The following NCCRP1 variants were observed in gnomAD, a reference collection of about 807,000 sequenced individuals.
The protein encoded by NCCRP1 is NCCRP1, F-box associated domain containing, also known as F-box only protein 50.
A neutral mutation model predicts 34.4 loss-of-function variants in NCCRP1; 32 were observed. That is an observed-to-expected ratio of 0.93 (90% confidence interval 0.70 to 1.25). The LOEUF (loss-of-function observed/expected upper bound fraction) is 1.25, where lower values mean the gene tolerates loss of function less well. NCCRP1 is among the 50% of genes most tolerant of loss of function. The probability of loss-of-function intolerance (pLI) is 0.00; values close to 1 mark genes in which losing one functional copy is unlikely to be tolerated. For synonymous variants in NCCRP1, 172 were observed against 180.1 expected (o/e 0.95, Z 0.36); for missense variants, 372 against 391.8 (o/e 0.95, Z 0.43).
chr19:39,198,834 A>G (rs2074774313), intron 3 of NCCRP1, among the ~76,000 whole-genome samples: 1 of 152,128 alleles, frequency 6.6e-6, no homozygotes, highest in Admixed American at 6.6e-5. Context: ...CCTGTCCTCC[A>G]TGAAACAGAG....
In NCCRP1 at chr19:39,200,005, C is replaced by T. The variant is rs887450344; in HGVS notation, c.549-341C>T. 7.9e-5 allele frequency among the ~76,000 whole-genome samples: 12 copies of T among 151,950 alleles called. No individual in the cohort carries two copies. Among genetic ancestry groups the T allele is most frequent in the African/African-American group, 2.4e-4 (10 of 41,366 alleles). On this transcript the variant is annotated intron_variant, in intron 4 of 5. Coordinates refer to ENST00000339852, the MANE Select transcript of NCCRP1 (RefSeq NM_001001414.2). The surrounding 1 kb of genome is among the most constrained non-coding windows in gnomAD (Gnocchi z 5.8). ...ACCCCTCTGCCTGGGTCCCCAATTCCGACCCCAACCCCTCTGCCTGTGTCC... is the reference window on the plus strand; with the variant it reads ...ACCCCTCTGCCTGGGTCCCCAATTCTGACCCCAACCCCTCTGCCTGTGTCC...
At chr19:39,197,727 C>A (rs996400587) in intron 1 of NCCRP1, among the ~76,000 whole-genome samples, 1 of 152,160 alleles carries the variant, frequency 6.6e-6, no homozygotes, top group African/African-American at 2.4e-5. Context: ...CAGGCATGCA[C>A]CACCATGCCT....
At chr19:39,199,395 T>C in intron 4 of NCCRP1, 130 bp downstream of exon 4, 1 of 722,178 alleles carries the variant, frequency 1.4e-6, no homozygotes, top group Non-Finnish European at 2.3e-6. Context: ...GGTCCTGCCC[T>C]GCCCACCTCC....
chr19:39,200,419 G>C lies in NCCRP1; in HGVS notation c.622G>C (p.Val208Leu), dbSNP rs1317539145. 1.2e-6 allele frequency: 2 copies of C among 1,613,444 alleles called. No individual in the cohort carries two copies. The highest frequency in any genetic ancestry group is 1.7e-6 in the Non-Finnish European group (2 of 1,180,022). The change falls in exon 5 of 6, where the codon GTC (valine) becomes CTC (leucine). Residue 208 changes from valine (V) to leucine (L), a missense_variant. Transcript: ENST00000339852. This position sits in a 1 kb window ranked among gnomAD's most constrained non-coding sequence, Gnocchi z 5.8. ...VWLLAADRRT[V>L]IAQHHVAPRT... The stretch of plus-strand genomic sequence containing the variant: ...GCTGCTGGCGGCCGACCGCCGCACG[G>C]TCATTGCTCAGCACCACGTGGCCCC...
At chr19:39,199,789 A>G (rs1568542421) in intron 4 of NCCRP1, among the ~76,000 whole-genome samples, 1 of 152,090 alleles carries the variant, frequency 6.6e-6, no homozygotes, top group Non-Finnish European at 1.5e-5. Context: ...CTGGGATTAC[A>G]GGTGTGAGCC....
In NCCRP1 at chr19:39,200,986, A is replaced by T; in HGVS notation, c.*230A>T. 1.9e-6 allele frequency: 1 copy of T among 540,010 alleles called. No individual in the cohort carries two copies. Among genetic ancestry groups the T allele is most frequent in the East Asian group, 3.1e-5 (1 of 32,150 alleles). The allele number at this position is 540,010 out of a possible 1,614,324, so 33.5% of individuals were successfully genotyped here. Reference sequence around the variant, plus strand: ...CAGTGCCCGACAGATGCTCTGGCACAGATGCTTTGTAGATCTCTGTTGAGA... The same window carrying T: ...CAGTGCCCGACAGATGCTCTGGCACTGATGCTTTGTAGATCTCTGTTGAGA... On this transcript the variant is annotated 3_prime_UTR_variant, in exon 6 of 6. Coordinates refer to ENST00000339852, the MANE Select transcript of NCCRP1 (RefSeq NM_001001414.2). This position sits in a 1 kb window ranked among gnomAD's most constrained non-coding sequence, Gnocchi z 5.8.
chr19:39,200,738 T>C lies in NCCRP1; in HGVS notation c.810T>C (p.Ser270=), dbSNP rs747852321. The C allele has an allele frequency of 6.2e-7, 1 of 1,612,460 alleles. No homozygotes were observed. The highest frequency in any genetic ancestry group is 1.7e-5 in the Admixed American group (1 of 60,008). Residue 270 remains serine, a synonymous_variant, in exon 6 of 6, where the codon TCT becomes TCC. Coordinates refer to ENST00000339852, the MANE Select transcript of NCCRP1 (RefSeq NM_001001414.2). The surrounding 1 kb of genome is among the most constrained non-coding windows in gnomAD (Gnocchi z 5.8). The stretch of plus-strand genomic sequence containing the variant: ...CACGGGTGACCGACTCCTCCGTGTC[T>C]GTGCAGCTCCGGGAGTGACTGGCTG... ...RRTRVTDSSV[S]VQLRE is the part of the protein sequence containing the mutation.
rs777315585 is a variant in NCCRP1 at position 39,197,093 on chromosome 19, G to A, written c.111G>A (p.Ser37=). ...CACGGTCGCCTTCACCGCCGCCGTC[G>A]CCGCCACCACTGCCCTCGCCGCCGT... ...PSPRSPSPPP[S]PPPLPSPPSL... The change falls in exon 1 of 6, where the codon TCG becomes TCA. Residue 37 remains serine (S), a synonymous_variant. Coordinates refer to ENST00000339852, the MANE Select transcript of NCCRP1 (RefSeq NM_001001414.2). 7 of 1,528,230 alleles carry A rather than the reference G, an allele frequency of 4.6e-6. No homozygotes were observed. Among genetic ancestry groups the A allele is most frequent in the Non-Finnish European group, 5.2e-6 (6 of 1,144,192 alleles). The allele number at this position is 1,528,230 out of a possible 1,614,324, so 94.7% of individuals were successfully genotyped here. A position where few individuals can be genotyped will look rare whatever the true frequency, so the allele number is the denominator to read the frequency against.
At position 39,198,195 on chromosome 19, in the gene NCCRP1, C is replaced by T; in HGVS notation, c.401-7C>T. 1 of 1,614,172 alleles carries T rather than the reference C, an allele frequency of 6.2e-7. No individual in the cohort carries two copies. Among genetic ancestry groups the T allele is most frequent in the Non-Finnish European group, 8.5e-7 (1 of 1,180,030 alleles). On this transcript the variant is annotated splice_polypyrimidine_tract_variant and splice_region_variant and intron_variant, in intron 2 of 5. Transcript: ENST00000339852. ...GGTGTCCTAACCCTTTGCTCCCCAACCTGCAGGCAATTTCCGTGGCTGGTA... is the reference window on the plus strand; with the variant it reads ...GGTGTCCTAACCCTTTGCTCCCCAATCTGCAGGCAATTTCCGTGGCTGGTA...
rs745388240 is a variant in NCCRP1 at position 39,199,236 on chromosome 19, C to T, written c.519C>T (p.Asp173=). 29 of 1,613,814 alleles carry T rather than the reference C, an allele frequency of 1.8e-5. No homozygotes were observed. The highest frequency in any genetic ancestry group is 2.2e-5 in the South Asian group (2 of 91,080). ...AEGLWEELLD[D]EQPAITVMDW... ...GCCTGTGGGAGGAGCTGCTGGATGA[C>T]GAACAACCAGCCATTACGGTCATGG... is the stretch of plus-strand genomic sequence containing the variant. Residue 173 remains aspartate (D), a synonymous_variant, in exon 4 of 6, where the codon GAC becomes GAT. Coordinates refer to ENST00000339852, the MANE Select transcript of NCCRP1 (RefSeq NM_001001414.2).
At chr19:39,198,339 T>C in intron 3 of NCCRP1, 86 bp downstream of exon 3, 1 of 1,373,380 alleles carries the variant, frequency 7.3e-7, no homozygotes, top group Non-Finnish European at 1.0e-6. Flanking sequence ...TGACTTGGCC[T>C]CTCTGGACCT....
Position 39,200,643 on chromosome 19 carries a change from C to A in NCCRP1, c.715C>A (p.Pro239Thr), listed in dbSNP as rs377645422. 19 of 1,614,042 alleles carry A rather than the reference C, an allele frequency of 1.2e-5. No homozygotes were observed. The highest frequency in any genetic ancestry group is 3.3e-4 in the Middle Eastern group (2 of 6,084). The change falls in exon 6 of 6, where the codon CCC becomes ACC. Residue 239 changes from proline (P) to threonine (T), a missense_variant. Coordinates refer to ENST00000339852, the MANE Select transcript of NCCRP1 (RefSeq NM_001001414.2). The surrounding 1 kb of genome is among the most constrained non-coding windows in gnomAD (Gnocchi z 5.8). ...QVSHVFRHYG[P>T]GVRFIHFLHK... is the part of the protein sequence containing the mutation. ...GTCCCACGTATTCCGCCATTATGGT[C>A]CCGGTGTGCGCTTTATCCACTTCCT... is the stretch of plus-strand genomic sequence containing the variant.
chr19:39,198,947 T>C (rs953559647), intron 3 of NCCRP1, among the ~76,000 whole-genome samples: 4 of 152,160 alleles, frequency 2.6e-5, no homozygotes, highest in Non-Finnish European at 4.4e-5. Flanking sequence ...TGCTTGACCT[T>C]GGACACGTCT....
rs367877232 is a variant in NCCRP1 at position 39,200,625 on chromosome 19, G to T, written c.697G>T (p.Val233Leu). The T allele has an allele frequency of 6.2e-7, 1 of 1,614,034 alleles. No individual in the cohort carries two copies. The highest frequency in any genetic ancestry group is 1.1e-5 in the South Asian group (1 of 91,076). ...PPGRWVQVSHVFRHYGPGVRF... is the reference protein window; with the variant it reads ...PPGRWVQVSHLFRHYGPGVRF... ...GGTGCTGTCACCACAGGTGTCCCACGTATTCCGCCATTATGGTCCCGGTGT... is the reference window on the plus strand; with the variant it reads ...GGTGCTGTCACCACAGGTGTCCCACTTATTCCGCCATTATGGTCCCGGTGT... The change falls in exon 6 of 6, where the codon GTA becomes TTA. Residue 233 changes from valine (V) to leucine (L), a missense_variant. By Grantham distance (32) the Val-to-Leu change is conservative. Coordinates refer to ENST00000339852, the MANE Select transcript of NCCRP1 (RefSeq NM_001001414.2). This position sits in a 1 kb window ranked among gnomAD's most constrained non-coding sequence, Gnocchi z 5.8.
At position 39,199,103 on chromosome 19, in the gene NCCRP1, C is replaced by T. The variant is rs373046988; in HGVS notation, c.453-67C>T. ...AGCTATCCCTAAGAAAGCACTAAGA[C>T]AGGGCTTCCTGCTCCCTGGATCCTG... On this transcript the variant is annotated intron_variant, in intron 3 of 5. Transcript: ENST00000339852. 1.4e-5 allele frequency: 21 copies of T among 1,480,942 alleles called. No homozygotes were observed. In the East Asian group the frequency reaches 1.8e-4, roughly 13 times the overall value. The allele number at this position is 1,480,942 out of a possible 1,614,324, so 91.7% of individuals were successfully genotyped here.
intron 1 of NCCRP1, 115 bp from the exon 2 acceptor site, chr19:39,197,938 C>T: frequency 7.9e-7 from 1 of 1,263,650 alleles, no homozygotes; most frequent in Non-Finnish European, 1.1e-6. Flanking sequence ...TGCCGGGCTT[C>T]CCTGACCTGG....
At chr19:39,197,350 A>T (rs1325103788) in intron 1 of NCCRP1, 31 bp downstream of exon 1, 1 of 1,391,276 alleles carries the variant, frequency 7.2e-7, no homozygotes, top group African/African-American at 1.5e-5. Flanking sequence ...GCCAGGAGGC[A>T]CCACCCTGAC....
chr19:39,200,807 G>T lies in NCCRP1; in HGVS notation c.*51G>T. The T allele has an allele frequency of 6.4e-7, 1 of 1,562,224 alleles. No homozygotes were observed. Among genetic ancestry groups the T allele is most frequent in the Non-Finnish European group, 8.6e-7 (1 of 1,160,772 alleles). On this transcript the variant is annotated 3_prime_UTR_variant, in exon 6 of 6. Coordinates refer to ENST00000339852, the MANE Select transcript of NCCRP1 (RefSeq NM_001001414.2). The surrounding 1 kb of genome is among the most constrained non-coding windows in gnomAD (Gnocchi z 5.8). ...CACAGCACCTCCCTGACCTTTAGGAGCCCCAACTCTTAGTCACCTCCTAGG... is the reference window on the plus strand; with the variant it reads ...CACAGCACCTCCCTGACCTTTAGGATCCCCAACTCTTAGTCACCTCCTAGG...
At position 39,200,330 on chromosome 19, in the gene NCCRP1, T is replaced by C. The variant is rs763072797; in HGVS notation, c.549-16T>C. Reference sequence around the variant, plus strand: ...GAGACTGCAGTGACAGCTGAAGGCCTTGACTCCGCCTGCAGGTTCGAGGAC... The same window carrying C: ...GAGACTGCAGTGACAGCTGAAGGCCCTGACTCCGCCTGCAGGTTCGAGGAC... On this transcript the variant is annotated splice_polypyrimidine_tract_variant and intron_variant, in intron 4 of 5. Transcript: ENST00000339852. The surrounding 1 kb of genome is among the most constrained non-coding windows in gnomAD (Gnocchi z 5.8). 11 of 1,612,168 alleles carry C rather than the reference T, an allele frequency of 6.8e-6. No homozygotes were observed. The South Asian group carries it at 1.2e-4, about 18-fold the overall frequency.
Sources: gnomAD v4.1 joint callset for allele counts (sites outside exome capture counted in the v4.1 genomes callset) on GRCh38, gnomAD v4.1.1 for gene constraint, Gnocchi (gnomAD v3.1) non-coding constraint, MANE v1.5 for transcripts, NCBI Gene and HGNC (gene_info 2026-07-23, HGNC 2026-07-21) for gene names.